The following ADGRB3 variants were observed in gnomAD, a reference collection of about 807,000 sequenced individuals.
ADGRB3 encodes adhesion G protein-coupled receptor B3, also known as brain-specific angiogenesis inhibitor 3.
A neutral mutation model predicts 193.4 loss-of-function variants in ADGRB3; 37 were observed. The observed-to-expected ratio is 0.19, with a 90% CI of 0.15 to 0.25. The LOEUF is 0.25. ADGRB3 is among the 10% of genes least tolerant of loss of function. The pLI is 1.00. For missense variants in ADGRB3, 1,637 were observed against 1,852.9 expected (o/e 0.88, Z 2.14); for synonymous variants, 690 against 644.2 (o/e 1.07, Z -1.08).
At chr6:68,672,100 A>G (rs1768976609) in intron 3 of ADGRB3, among the ~76,000 whole-genome samples, 1 of 151,966 alleles carries the variant, frequency 6.6e-6, no homozygotes, top group Non-Finnish European at 1.5e-5. Flanking sequence ...CTGCAGTATC[A>G]ATTATAATGT....
intron 25 of ADGRB3, 24 bp downstream of exon 25, chr6:69,339,038 T>G (rs1049642142): frequency 6.2e-7 from 1 of 1,610,256 alleles, no homozygotes; most frequent in Non-Finnish European, 8.5e-7. Flanking sequence ...ATTTACATCT[T>G]CTTGTTACAA....
intron 3 of ADGRB3, among the ~76,000 whole-genome samples, chr6:68,728,773 G>A (rs752357994): frequency 1.2e-4 from 18 of 151,534 alleles, no homozygotes; most frequent in Non-Finnish European, 1.8e-4. Flanking sequence ...AGCAAGGAAA[G>A]GCAGAACCAG....
rs558648639 is a variant in ADGRB3 at position 69,170,960 on chromosome 6, G to A, written c.2481-62330G>A. On this transcript the variant is annotated intron_variant, in intron 17 of 31. Transcript: ENST00000370598. Reference sequence around the variant, plus strand: ...ATAATGTAAGCTACATACATAATTTGCAATCTTCTAGTAGCCATACGAAAA... The same window carrying A: ...ATAATGTAAGCTACATACATAATTTACAATCTTCTAGTAGCCATACGAAAA... Among the ~76,000 whole-genome samples, 236 of 152,196 alleles carry A rather than the reference G, an allele frequency of 1.6e-3. 3 individuals carry two copies. The highest frequency in any genetic ancestry group is 5.3e-3 in the African/African-American group (219 of 41,524).
intron 3 of ADGRB3, among the ~76,000 whole-genome samples, chr6:68,896,559 T>C (rs1766223547): frequency 6.6e-6 from 1 of 152,284 alleles, no homozygotes; most frequent in Admixed American, 6.5e-5. Flanking sequence ...CTACAAACTT[T>C]CTGTTACATT....
At chr6:69,026,714 A>G (rs1422297737) in intron 13 of ADGRB3, among the ~76,000 whole-genome samples, 1 of 152,216 alleles carries the variant, frequency 6.6e-6, no homozygotes, top group Non-Finnish European at 1.5e-5. Flanking sequence ...GGTATAGCCT[A>G]TTGCTCCTAG....
chr6:68,835,903 G>A (rs1768036988), intron 3 of ADGRB3, among the ~76,000 whole-genome samples: 1 of 151,936 alleles, frequency 6.6e-6, no homozygotes, highest in Non-Finnish European at 1.5e-5. Context: ...AACAATGTTG[G>A]GATATAAGCT....
chr6:68,675,615 C>T (rs1041397125), intron 3 of ADGRB3, among the ~76,000 whole-genome samples: 1 of 152,060 alleles, frequency 6.6e-6, no homozygotes, highest in Non-Finnish European at 1.5e-5. Flanking sequence ...AAGATTTTGA[C>T]TGGAAAGAAG....
chr6:69,064,872 A>G (rs1426069552), intron 16 of ADGRB3, among the ~76,000 whole-genome samples: 1 of 152,132 alleles, frequency 6.6e-6, no homozygotes, highest in African/African-American at 2.4e-5. Flanking sequence ...TTTGAGTATA[A>G]TAAAACTATT....
intron 20 of ADGRB3, among the ~76,000 whole-genome samples, chr6:69,283,572 AG>A (rs1333844606): frequency 6.6e-6 from 1 of 152,046 alleles, no homozygotes; most frequent in African/African-American, 2.4e-5. Flanking sequence ...AACTTTGGCA[AG>A]TTACCTGATC....
intron 17 of ADGRB3, among the ~76,000 whole-genome samples, chr6:69,132,229 T>G (rs566875744): frequency 6.6e-6 from 1 of 152,308 alleles, no homozygotes; most frequent in Non-Finnish European, 1.5e-5. Flanking sequence ...TTGAACTAAT[T>G]TACACTCCCA....
chr6:68,944,535 G>A (rs1015353382), intron 6 of ADGRB3, among the ~76,000 whole-genome samples: 1 of 152,030 alleles, frequency 6.6e-6, no homozygotes, highest in Non-Finnish European at 1.5e-5. Flanking sequence ...TGTTCTTAGA[G>A]TGTATTTATG....
At chr6:68,883,970 A>C (rs1318901061) in intron 3 of ADGRB3, among the ~76,000 whole-genome samples, 3 of 152,150 alleles carry the variant, frequency 2.0e-5, no homozygotes, top group East Asian at 1.9e-4. Context: ...CTGTCAATGG[A>C]TATTTGTTTG....
intron 26 of ADGRB3, among the ~76,000 whole-genome samples, chr6:69,353,654 C>T (rs955915312): frequency 2.0e-5 from 3 of 152,202 alleles, no homozygotes; most frequent in African/African-American, 7.2e-5. Flanking sequence ...AGTGTTGAGC[C>T]AGATATAGCT....
intron 3 of ADGRB3, among the ~76,000 whole-genome samples, chr6:68,668,811 T>G (rs1322279620): frequency 1.3e-5 from 2 of 151,926 alleles, no homozygotes; most frequent in South Asian, 2.1e-4. Flanking sequence ...AAAGTATAAT[T>G]AACACATACC....
intron 20 of ADGRB3, among the ~76,000 whole-genome samples, chr6:69,279,053 G>T (rs1767362092): frequency 8.7e-6 from 1 of 114,704 alleles, no homozygotes; most frequent in Non-Finnish European, 1.7e-5. Flanking sequence ...CACCTCATAT[G>T]GCATATTAAA....
chr6:69,211,055 G>C (rs1033666862), intron 17 of ADGRB3, among the ~76,000 whole-genome samples: 16 of 152,196 alleles, frequency 1.1e-4, no homozygotes, highest in African/African-American at 3.6e-4. Flanking sequence ...CCGGGAGGCA[G>C]AGCTTGCAGT....
chr6:68,782,332 A>G (rs957957189), intron 3 of ADGRB3, among the ~76,000 whole-genome samples: 12 of 151,766 alleles, frequency 7.9e-5, no homozygotes, highest in Non-Finnish European at 1.6e-4. Context: ...ATAGTATTCC[A>G]TGGTGTATAT....
rs145253476 is a variant in ADGRB3 at position 69,388,146 on chromosome 6, C to T, written c.4381-557C>T. On this transcript the variant is annotated intron_variant, in intron 31 of 31. Coordinates refer to ENST00000370598, the MANE Select transcript of ADGRB3 (RefSeq NM_001704.3). Reference sequence around the variant, plus strand: ...ATTTTAGTCAATCTGTATTCTACAACAAAAAACTCATAAAACAAGAGAATA... The same window carrying T: ...ATTTTAGTCAATCTGTATTCTACAATAAAAAACTCATAAAACAAGAGAATA... Among the ~76,000 whole-genome samples, 973 of 152,010 alleles carry T rather than the reference C, an allele frequency of 6.4e-3. 12 individuals carry two copies. The highest frequency in any genetic ancestry group is 0.022 in the African/African-American group (911 of 41,500).
intron 3 of ADGRB3, among the ~76,000 whole-genome samples, chr6:68,888,741 A>C (rs1233913123): frequency 6.6e-6 from 1 of 152,180 alleles, no homozygotes; most frequent in East Asian, 1.9e-4. Flanking sequence ...ATTGAAGAAG[A>C]CTATGAGGAA....
Sources: allele counts gnomAD v4.1 joint callset (sites outside exome capture counted in the v4.1 genomes callset), GRCh38; gene constraint gnomAD v4.1.1; transcripts MANE v1.5; gene names NCBI Gene and HGNC (gene_info 2026-07-23, HGNC 2026-07-21).